RNF150: variants seen among roughly 807,000 people sequenced by gnomAD.
RNF150 encodes the protein ring finger protein 150.
A neutral mutation model predicts 39.3 loss-of-function variants in RNF150; 24 were observed. The ratio of observed to expected loss-of-function variants is 0.61; its 90% CI spans 0.44 to 0.86. The LOEUF (loss-of-function observed/expected upper bound fraction) is 0.86. RNF150 is among the 40% of genes least tolerant of loss of function. The pLI, the probability that RNF150 is intolerant of heterozygous loss-of-function variation, is 0.00. For synonymous variants in RNF150, 255 were observed against 227.3 expected, an observed-to-expected ratio of 1.12 and a Z score of -1.10; for missense variants, 502 against 587.8, an observed-to-expected ratio of 0.85 and a Z score of 1.51.
At position 141,033,561 on chromosome 4, in the gene RNF150, T is replaced by C. The variant is rs550610399; in HGVS notation, c.485-65688A>G. The stretch of plus-strand genomic sequence containing the variant: ...AGGATGGTGAATCCTTTCCAGAAGT[T>C]TTTCAATTGACTTCACCCACATCCA... On this transcript the variant is annotated intron_variant, in intron 1 of 6. Coordinates refer to ENST00000515673, the MANE Select transcript of RNF150 (RefSeq NM_020724.2). 2.0e-5 allele frequency among the ~76,000 whole-genome samples: 3 copies of C among 152,246 alleles called. No homozygotes were observed. In the South Asian group the frequency reaches 6.2e-4, roughly 32 times the overall value.
intron 1 of RNF150, among the ~76,000 whole-genome samples, chr4:141,117,905 G>T (rs1384544534): frequency 6.6e-6 from 1 of 152,182 alleles, no homozygotes; most frequent in Non-Finnish European, 1.5e-5. Flanking sequence ...AACTGGAAAG[G>T]TGATTTGTAG....
intron 1 of RNF150, among the ~76,000 whole-genome samples, chr4:141,190,663 T>C (rs745937783): frequency 2.6e-5 from 4 of 152,120 alleles, no homozygotes; most frequent in Non-Finnish European, 4.4e-5. Context: ...CCACAAAAAC[T>C]CCCAGAAAAT....
chr4:141,066,971 T>C (rs1737486322), intron 1 of RNF150, among the ~76,000 whole-genome samples: 1 of 152,186 alleles, frequency 6.6e-6, no homozygotes, highest in South Asian at 2.1e-4. Flanking sequence ...ACTACCAACC[T>C]GTATAACATG....
intron 1 of RNF150, among the ~76,000 whole-genome samples, chr4:141,209,303 A>G (rs886757358): frequency 1.3e-5 from 2 of 152,252 alleles, no homozygotes; most frequent in African/African-American, 4.8e-5. Flanking sequence ...CTATATGTAC[A>G]TGCTATTCTA....
upstream of RNF150, among the ~76,000 whole-genome samples, chr4:141,137,635 G>C (rs535182887): frequency 3.9e-5 from 6 of 152,324 alleles, no homozygotes; most frequent in South Asian, 1.0e-3. Context: ...GGTGCCTAGA[G>C]AGACATCCAA....
At chr4:141,135,661 A>C (rs1727017878), upstream of RNF150, among the ~76,000 whole-genome samples, 1 of 152,234 alleles carries the variant, frequency 6.6e-6, no homozygotes, top group Non-Finnish European at 1.5e-5. Flanking sequence ...TGGATATAGA[A>C]AGTCACCATT....
intron 1 of RNF150, among the ~76,000 whole-genome samples, chr4:141,022,748 T>C (rs1470952132): frequency 2.0e-5 from 3 of 152,236 alleles, no homozygotes; most frequent in African/African-American, 7.2e-5. Flanking sequence ...TTATTACATT[T>C]TTGAAATTTC....
At chr4:141,174,380 TTA>T (rs1727775360) in intron 1 of RNF150, among the ~76,000 whole-genome samples, 3 of 152,138 alleles carry the variant, frequency 2.0e-5, no homozygotes, top group Non-Finnish European at 4.4e-5. Flanking sequence ...GGCCCAAGTG[TTA>T]ATACCATGGA....
rs57534396 is a variant in RNF150 at position 140,996,475 on chromosome 4, G to A, written c.485-28602C>T. Among the ~76,000 whole-genome samples the A allele has an allele frequency of 4.6e-5, 7 of 152,268 alleles. No individual in the cohort carries two copies. In the South Asian group the frequency reaches 1.0e-3, roughly 23 times the overall value. On this transcript the variant is annotated intron_variant, in intron 1 of 6. Coordinates refer to ENST00000515673, the MANE Select transcript of RNF150 (RefSeq NM_020724.2). Reference sequence around the variant, plus strand: ...ATTTGATTTGGAATAGTTAACACTGGTTTAAAGTCTTGGCTTTCCCACTTC... The same window carrying A: ...ATTTGATTTGGAATAGTTAACACTGATTTAAAGTCTTGGCTTTCCCACTTC...
At chr4:141,030,367 A>G (rs1735893271) in intron 1 of RNF150, among the ~76,000 whole-genome samples, 1 of 152,190 alleles carries the variant, frequency 6.6e-6, no homozygotes, top group South Asian at 2.1e-4. Context: ...TATAAATTGT[A>G]CAGCCATTAT....
At chr4:140,911,558 A>ATTTTAGATTGAAAAGATTCCTTTTTAATC (rs1730607400) in intron 5 of RNF150, among the ~76,000 whole-genome samples, 3 of 152,184 alleles carry the variant, frequency 2.0e-5, no homozygotes, top group African/African-American at 4.8e-5. Context: ...CCAAAGGTTC[A>ATTTTAGATTGAAAAGATTCCTTTTTAATC]TTTTAGATTG....
intron 4 of RNF150, among the ~76,000 whole-genome samples, chr4:140,942,029 T>C (rs1406783731): frequency 2.0e-5 from 3 of 151,808 alleles, no homozygotes; most frequent in Non-Finnish European, 4.4e-5. Flanking sequence ...GAATTCAGAG[T>C]TTCATGTTGG....
intron 5 of RNF150, among the ~76,000 whole-genome samples, chr4:140,912,169 C>CTT (rs1578956387): frequency 6.6e-6 from 1 of 152,168 alleles, no homozygotes; most frequent in African/African-American, 2.4e-5. Context: ...TGGGCAAAAT[C>CTT]TTATGCTTTG....
At chr4:140,958,917 CA>C (rs1380378534) in intron 2 of RNF150, among the ~76,000 whole-genome samples, 2 of 152,128 alleles carry the variant, frequency 1.3e-5, no homozygotes, top group African/African-American at 2.4e-5. Flanking sequence ...CTTTCTTTGA[CA>C]AGTGGGTTGT....
intron 6 of RNF150, among the ~76,000 whole-genome samples, chr4:140,896,769 T>C (rs1729975570): frequency 6.6e-6 from 1 of 151,786 alleles, no homozygotes; most frequent in Non-Finnish European, 1.5e-5. Context: ...AGCACTTCCT[T>C]TTTCTAGTAG....
intron 1 of RNF150, among the ~76,000 whole-genome samples, chr4:141,209,184 C>T (rs941565413): frequency 6.6e-5 from 10 of 151,734 alleles, no homozygotes; most frequent in East Asian, 5.8e-4. Context: ...TTGCGTTTCC[C>T]GACACCCACC....
chr4:141,147,535 A>G (rs1727223202), intron 1 of RNF150, among the ~76,000 whole-genome samples: 1 of 152,252 alleles, frequency 6.6e-6, no homozygotes, highest in African/African-American at 2.4e-5. Context: ...AAAGTTGCAA[A>G]TTTAGTGTAT....
At chr4:141,157,797 G>A (rs946655226) in intron 1 of RNF150, among the ~76,000 whole-genome samples, 1 of 152,144 alleles carries the variant, frequency 6.6e-6, no homozygotes, top group African/African-American at 2.4e-5. Context: ...TCTACAAACA[G>A]TTCACTGTTA....
chr4:140,895,678 G>C (rs1476004295), intron 6 of RNF150, among the ~76,000 whole-genome samples: 1 of 152,172 alleles, frequency 6.6e-6, no homozygotes, highest in African/African-American at 2.4e-5. Context: ...TGCACCCAAA[G>C]AAACTATGAA....
Sources: gnomAD v4.1 joint callset for allele counts (sites outside exome capture counted in the v4.1 genomes callset) on GRCh38, gnomAD v4.1.1 for gene constraint, MANE v1.5 for transcripts, NCBI Gene and HGNC (gene_info 2026-07-23, HGNC 2026-07-21) for gene names.